The following RB1 variants were observed in gnomAD, a reference collection of about 807,000 sequenced individuals.
RB1 encodes retinoblastoma-associated protein.
In RB1, 18 loss-of-function variants were observed where a neutral mutation model predicts 135.4. The observed-to-expected ratio is 0.13, with a 90% CI of 0.09 to 0.20. RB1 has a LOEUF of 0.20. Among genes scored for constraint, RB1 ranks in the 10% least tolerant of loss-of-function variants. RB1 has a pLI of 1.00. For missense variants in RB1, 868 were observed against 1,110.0 expected, an observed-to-expected ratio of 0.78 and a Z score of 3.10; for synonymous variants, 365 against 373.2, an observed-to-expected ratio of 0.98 and a Z score of 0.25.
At chr13:48,344,040 T>G (rs1271879838) in intron 3 of RB1, among the ~76,000 whole-genome samples, 1 of 152,206 alleles carries the variant, frequency 6.6e-6, no homozygotes, top group East Asian at 1.9e-4. Flanking sequence ...GTGACTATCT[T>G]TTGTTTCAGT....
chr13:48,329,080 A>T lies in RB1; in HGVS notation c.265-13519A>T, dbSNP rs76111136. Among the ~76,000 whole-genome samples the T allele has an allele frequency of 0.012, 1,754 of 152,282 alleles. 65 individuals carry two copies. The East Asian group carries it at 0.12, about 10-fold the overall frequency. Reference sequence around the variant, plus strand: ...GTTATTTCTGTCTCTTATGTATTCAACTATAAACATTTAATCAAGTTTATG... The same window carrying T: ...GTTATTTCTGTCTCTTATGTATTCATCTATAAACATTTAATCAAGTTTATG... On this transcript the variant is annotated intron_variant, in intron 2 of 26. Coordinates refer to ENST00000267163, the MANE Select transcript of RB1 (RefSeq NM_000321.3).
At chr13:48,361,363 G>A (rs1250186496) in intron 7 of RB1, among the ~76,000 whole-genome samples, 1 of 151,994 alleles carries the variant, frequency 6.6e-6, no homozygotes, top group East Asian at 1.9e-4. Context: ...AATTTCAAAT[G>A]AATACAAAAA....
chr13:48,396,513 C>G (rs1948649567), intron 17 of RB1, among the ~76,000 whole-genome samples: 1 of 152,148 alleles, frequency 6.6e-6, no homozygotes, highest in Non-Finnish European at 1.5e-5. Context: ...GGATTAAAGA[C>G]TTAAACATAA....
chr13:48,347,067 G>A (rs1295662761), intron 4 of RB1, among the ~76,000 whole-genome samples: 1 of 151,508 alleles, frequency 6.6e-6, no homozygotes, highest in Non-Finnish European at 1.5e-5. Context: ...CTTCCAAGTT[G>A]TTTGCTCTGC....
intron 1 of RB1, among the ~76,000 whole-genome samples, chr13:48,306,217 C>A (rs1170205321): frequency 2.0e-5 from 3 of 152,110 alleles, no homozygotes; most frequent in Non-Finnish European, 2.9e-5. Context: ...GGAGCCTGGG[C>A]AACAAAACAA....
At chr13:48,405,679 A>G (rs1948733617) in intron 17 of RB1, among the ~76,000 whole-genome samples, 1 of 152,218 alleles carries the variant, frequency 6.6e-6, no homozygotes. Context: ...AAAGTTTGTC[A>G]ATACCCAATA....
chr13:48,417,892 C>T (rs1471077283), intron 17 of RB1, among the ~76,000 whole-genome samples: 1 of 152,128 alleles, frequency 6.6e-6, no homozygotes, highest in Non-Finnish European at 1.5e-5. Flanking sequence ...AAGACCAAAC[C>T]TATGTTTGAT....
intron 17 of RB1, among the ~76,000 whole-genome samples, chr13:48,398,437 C>T (rs1948665052): frequency 6.6e-6 from 1 of 152,020 alleles, no homozygotes; most frequent in Admixed American, 6.6e-5. Flanking sequence ...TCTATTTTTC[C>T]ATTACTTTTC....
intron 2 of RB1, among the ~76,000 whole-genome samples, chr13:48,330,378 TGAA>T (rs1470190543): frequency 1.3e-5 from 2 of 151,612 alleles, no homozygotes; most frequent in African/African-American, 2.4e-5. Flanking sequence ...AGCAACAAAA[TGAA>T]GAGTTTTTTT....
chr13:48,462,022 G>A (rs374843488), intron 20 of RB1, among the ~76,000 whole-genome samples: 184 of 152,008 alleles, frequency 1.2e-3, no homozygotes, highest in South Asian at 5.2e-3. Flanking sequence ...TAGTAGAGAC[G>A]GGGTTTCATT....
chr13:48,447,670 A>G (rs1388180256), intron 17 of RB1, among the ~76,000 whole-genome samples: 2 of 152,154 alleles, frequency 1.3e-5, no homozygotes, highest in African/African-American at 4.8e-5. Context: ...AGGGTCATGT[A>G]GCTACAGGTG....
intron 9 of RB1, among the ~76,000 whole-genome samples, chr13:48,367,283 G>A (rs920590156): frequency 6.6e-6 from 1 of 151,998 alleles, no homozygotes; most frequent in African/African-American, 2.4e-5. Flanking sequence ...TTCTATGCAC[G>A]AAATAGACCT....
At chr13:48,388,081 TAACTA>T (rs1264082053) in intron 17 of RB1, among the ~76,000 whole-genome samples, 3 of 152,240 alleles carry the variant, frequency 2.0e-5, no homozygotes, top group Non-Finnish European at 4.4e-5. Context: ...TCTATATACT[TAACTA>T]GTCATTTATA....
intron 2 of RB1, among the ~76,000 whole-genome samples, chr13:48,334,575 A>G (rs1289922127): frequency 6.6e-6 from 1 of 152,148 alleles, no homozygotes; most frequent in Non-Finnish European, 1.5e-5. Context: ...GTTTCTTATG[A>G]CTTATTTTCA....
chr13:48,331,974 A>G (rs1271763797), intron 2 of RB1, among the ~76,000 whole-genome samples: 2 of 152,222 alleles, frequency 1.3e-5, no homozygotes, highest in African/African-American at 2.4e-5. Context: ...ATCATGACAA[A>G]CCCAGTTGAA....
At chr13:48,407,901 A>G (rs536239724) in intron 17 of RB1, among the ~76,000 whole-genome samples, 12 of 152,176 alleles carry the variant, frequency 7.9e-5, no homozygotes, top group Non-Finnish European at 1.8e-4. Context: ...TTAGGCACGA[A>G]AAAAGTTTAG....
chr13:48,347,828 A>G lies in RB1; in HGVS notation c.504A>G (p.Thr168=), dbSNP rs747542367. 2 of 1,589,452 alleles carry G rather than the reference A, an allele frequency of 1.3e-6. No individual in the cohort carries two copies. The highest frequency in any genetic ancestry group is 3.4e-5 in the Admixed American group (2 of 59,656). The change falls in exon 5 of 27, where the codon ACA becomes ACG. Residue 168 remains threonine (T), a synonymous_variant. Coordinates refer to ENST00000267163, the MANE Select transcript of RB1 (RefSeq NM_000321.3). The part of the protein sequence containing the change: ...LFALFSKLER[T]CELIYLTQPS... ...GTCATAATGTTTTTCTTTTCAGGAC[A>G]TGTGAACTTATATATTTGACACAAC... is the stretch of plus-strand genomic sequence containing the variant.
chr13:48,406,207 G>A (rs563749390), intron 17 of RB1, among the ~76,000 whole-genome samples: 4 of 152,124 alleles, frequency 2.6e-5, no homozygotes, highest in Admixed American at 6.6e-5. Context: ...GTTAATGTGT[G>A]TGTGTATGTG....
intron 19 of RB1, 99 bp from the exon 20 acceptor site, chr13:48,459,589 T>C (rs1388697522): frequency 7.9e-7 from 1 of 1,263,268 alleles, no homozygotes. Context: ...AAAATGCTAC[T>C]TAACAGCATT....
Sources: allele counts gnomAD v4.1 joint callset (sites outside exome capture counted in the v4.1 genomes callset), GRCh38; gene constraint gnomAD v4.1.1; transcripts MANE v1.5; gene names NCBI Gene and HGNC (gene_info 2026-07-23, HGNC 2026-07-21).